Variants in TCOF1 observed in about 807,000 individuals in gnomAD.
TCOF1 encodes the protein treacle protein.
TCOF1 carries 33 observed loss-of-function variants against 149.0 expected under a neutral mutation model. The observed-to-expected ratio is 0.22, with a 90% confidence interval of 0.17 to 0.30. TCOF1 has a LOEUF of 0.30. TCOF1 is among the 10% of genes least tolerant of loss of function. TCOF1 has a pLI of 1.00. For synonymous variants in TCOF1, 789 were observed against 738.8 expected (o/e 1.07, Z -1.10); for missense variants, 1,728 against 1,840.7 (o/e 0.94, Z 1.12).
At chr5:150,360,090 G>A (rs1048011035) in intron 1 of TCOF1, among the ~76,000 whole-genome samples, 1 of 152,186 alleles carries the variant, frequency 6.6e-6, no homozygotes, top group Admixed American at 6.5e-5. Context: ...ACTGACTCTT[G>A]AAATCTTAGT....
chr5:150,371,590 G>A (rs926216941), intron 6 of TCOF1, among the ~76,000 whole-genome samples: 3 of 152,200 alleles, frequency 2.0e-5, no homozygotes, highest in Admixed American at 1.3e-4. Context: ...GGCAGAGGTG[G>A]TGTTCACATC....
rs1200758266 is a variant in TCOF1 at position 150,399,009 on chromosome 5, T to TC, written c.4444-10dup. 1.2e-6 allele frequency: 2 copies of TC among 1,614,086 alleles called. No individual in the cohort carries two copies. The highest frequency in any genetic ancestry group is 1.7e-6 in the Non-Finnish European group (2 of 1,180,022). ...TGCAGGTCTGAGAGCCTCTCGTACT[T>TC]CCCTCCTCACAGAAGAAGACAGCAG... On this transcript the variant is annotated splice_polypyrimidine_tract_variant and intron_variant, in intron 25 of 26. Coordinates refer to ENST00000643257, the MANE Select transcript of TCOF1 (RefSeq NM_001371623.1).
chr5:150,373,586 G>C (rs373470583), intron 7 of TCOF1, among the ~76,000 whole-genome samples: 9 of 152,190 alleles, frequency 5.9e-5, no homozygotes, highest in African/African-American at 1.9e-4. Flanking sequence ...CCACCGAGGA[G>C]TTAGTGAAGA....
chr5:150,388,944 C>CA (rs1244401083), intron 18 of TCOF1, among the ~76,000 whole-genome samples: 1 of 151,702 alleles, frequency 6.6e-6, no homozygotes, highest in Non-Finnish European at 1.5e-5. Context: ...AGAAAGCAGG[C>CA]AAAATAGAGA....
rs770587352 is a variant in TCOF1, at chr5:150,372,082, C to A, written c.716C>A (p.Ala239Asp). The A allele has an allele frequency of 1.9e-6, 3 of 1,614,246 alleles. No homozygotes were observed. The highest frequency in any genetic ancestry group is 2.5e-6 in the Non-Finnish European group (3 of 1,180,050). Residue 239 changes from alanine (A) to aspartate (D), a missense_variant, in exon 7 of 27, where the codon GCC becomes GAC. Physicochemically the swap from Ala to Asp is moderately radical, Grantham distance 126 (BLOSUM62 -2). Transcript: ENST00000643257. The part of the protein sequence containing the change: ...STKESPARKA[A>D]PAPGKVGDVT... Reference sequence around the variant, plus strand: ...AAGGAGTCTCCAGCAAGAAAGGCGGCCCCAGCCCCTGGGAAGGTGGGGGAT... The same window carrying A: ...AAGGAGTCTCCAGCAAGAAAGGCGGACCCAGCCCCTGGGAAGGTGGGGGAT...
intron 1 of TCOF1, 22 bp from the exon 2 acceptor site, chr5:150,361,133 GC>G: frequency 6.2e-7 from 1 of 1,614,036 alleles, no homozygotes. Context: ...ATTAATTGTG[GC>G]TTTCTCTTTA....
chr5:150,378,777 G>A (rs1764371684), intron 14 of TCOF1, 128 bp from the exon 15 acceptor site: 1 of 1,361,632 alleles, frequency 7.3e-7, no homozygotes, highest in African/African-American at 1.4e-5. Context: ...ATGAGCTCAG[G>A]TTCACACGCC....
chr5:150,371,215 C>G (rs535390174), intron 6 of TCOF1, among the ~76,000 whole-genome samples: 6 of 152,244 alleles, frequency 3.9e-5, no homozygotes, highest in African/African-American at 1.4e-4. Flanking sequence ...GGCCCAGTAA[C>G]CCTGTGAAGG....
At chr5:150,363,724 G>A (rs917805354) in intron 2 of TCOF1, among the ~76,000 whole-genome samples, 2 of 152,208 alleles carry the variant, frequency 1.3e-5, no homozygotes, top group African/African-American at 4.8e-5. Flanking sequence ...TTAAAGTTGA[G>A]ACGGGAAGGA....
At chr5:150,367,145 A>G (rs1761540524) in intron 3 of TCOF1, among the ~76,000 whole-genome samples, 1 of 152,068 alleles carries the variant, frequency 6.6e-6, no homozygotes, top group Non-Finnish European at 1.5e-5. Context: ...CTCTATTAAA[A>G]ATACAAAAAA....
Position 150,393,310 on chromosome 5 carries a change from C to T in TCOF1, c.3604-62C>T, listed in dbSNP as rs1036224491. 65 of 1,606,418 alleles carry T rather than the reference C, an allele frequency of 4.0e-5. No individual in the cohort carries two copies. In the African/African-American group the frequency reaches 6.0e-4, roughly 15 times the overall value. ...GCTTTCCTCACAGCAGGCCATGACT[C>T]GGGCTGGGTTATGGCAGTGGGGTGG... is the stretch of plus-strand genomic sequence containing the variant. On this transcript the variant is annotated intron_variant, in intron 22 of 26. Transcript: ENST00000643257.
rs112339161 is a variant in TCOF1 at position 150,388,175 on chromosome 5, C to T, written c.3046+87C>T. The T allele has an allele frequency of 1.8e-5, 28 of 1,570,720 alleles. No homozygotes were observed. The African/African-American group carries it at 2.4e-4, about 14-fold the overall frequency. On this transcript the variant is annotated intron_variant, in intron 18 of 26. Coordinates refer to ENST00000643257, the MANE Select transcript of TCOF1 (RefSeq NM_001371623.1). ...AGAAGGGACAGGACACTGGCTGAGTCACATAGCAAGGTGTTGGTCGGGAGG... is the reference window on the plus strand; with the variant it reads ...AGAAGGGACAGGACACTGGCTGAGTTACATAGCAAGGTGTTGGTCGGGAGG...
At chr5:150,399,163 G>T in intron 26 of TCOF1, 93 bp downstream of exon 26, 1 of 1,557,286 alleles carries the variant, frequency 6.4e-7, no homozygotes, top group Non-Finnish European at 8.8e-7. Flanking sequence ...CTGATAGGTG[G>T]GCTCTAAGGG....
At position 150,391,571 on chromosome 5, in the gene TCOF1, C is replaced by T. The variant is rs1375611690; in HGVS notation, c.3211C>T (p.Pro1071Ser). 6.2e-7 allele frequency: 1 copy of T among 1,614,050 alleles called. No individual in the cohort carries two copies. Among genetic ancestry groups the T allele is most frequent in the Non-Finnish European group, 8.5e-7 (1 of 1,180,048 alleles). Residue 1071 changes from proline to serine, a missense_variant, in exon 20 of 27, where the codon CCA (proline) becomes TCA (serine). This residue lies in a region of TCOF1 where 1,696 missense variants were observed against 1,765.4 expected (regional missense o/e 0.96). Transcript: ENST00000643257. ...GTCAAAGAAGAACCCAGCTTCCCTC[C>T]CACTGACCCAGGCTGCCCTGAAGGT... ...QVSKKNPASL[P>S]LTQAALKVLA...
In TCOF1 at chr5:150,376,367, C is replaced by T. The variant is rs776399112; in HGVS notation, c.2142+37C>T. Reference sequence around the variant, plus strand: ...GTTTTCTGGGCGGGCCTCAGGGCCGCCCCTACGTGGTCCTTTGGACTCCTG... The same window carrying T: ...GTTTTCTGGGCGGGCCTCAGGGCCGTCCCTACGTGGTCCTTTGGACTCCTG... On this transcript the variant is annotated intron_variant, in intron 13 of 26. Coordinates refer to ENST00000643257, the MANE Select transcript of TCOF1 (RefSeq NM_001371623.1). 3.7e-6 allele frequency: 6 copies of T among 1,614,060 alleles called. No homozygotes were observed. In the East Asian group the frequency reaches 1.3e-4, roughly 36 times the overall value.
At chr5:150,368,538 C>T in intron 4 of TCOF1, 178 bp from the exon 5 acceptor site, 3 of 670,400 alleles carry the variant, frequency 4.5e-6, no homozygotes, top group Non-Finnish European at 5.2e-6. Flanking sequence ...CTCAACACCT[C>T]TGGTGAGAGG....
At position 150,393,560 on chromosome 5, in the gene TCOF1, A is replaced by G. The variant is rs151344578; in HGVS notation, c.3784+8A>G. 998 of 1,614,172 alleles carry G rather than the reference A, an allele frequency of 6.2e-4. 16 individuals are homozygous for G. The South Asian group carries it at 9.9e-3, about 16-fold the overall frequency. ...TGTTGTCCCCTAAAACAGGTAAGTT[A>G]AGGTCTGCAGGAGGGACATAGCAGG... On this transcript the variant is annotated splice_region_variant and intron_variant, in intron 23 of 26. Transcript: ENST00000643257.
intron 1 of TCOF1, among the ~76,000 whole-genome samples, chr5:150,360,414 G>A (rs1174436786): frequency 6.6e-6 from 1 of 152,212 alleles, no homozygotes; most frequent in East Asian, 1.9e-4. Context: ...CAGACTAGTA[G>A]ACTGTGGTCA....
chr5:150,392,942 G>C, intron 22 of TCOF1, 152 bp downstream of exon 22: 2 of 925,592 alleles, frequency 2.2e-6, no homozygotes, highest in African/African-American at 1.6e-5. Context: ...CACCACGTGT[G>C]GCCCAGCCAG....
Sources: allele counts gnomAD v4.1 joint callset (sites outside exome capture counted in the v4.1 genomes callset), GRCh38; gene constraint gnomAD v4.1.1; regional missense constraint gnomAD v4.1.1; transcripts MANE v1.5; gene names NCBI Gene and HGNC (gene_info 2026-07-23, HGNC 2026-07-21).